Variants in CSRNP3 observed in about 807,000 individuals in gnomAD.
CSRNP3 encodes the protein cysteine and serine rich nuclear protein 3.
In CSRNP3, 12 loss-of-function variants were observed where a neutral mutation model predicts 48.0. The ratio of observed to expected loss-of-function variants is 0.25; its 90% confidence interval spans 0.16 to 0.41. The LOEUF is 0.41. Among genes scored for constraint, CSRNP3 ranks in the 10% least tolerant of loss-of-function variants. The pLI is 1.00. For synonymous variants in CSRNP3, 263 were observed against 269.7 expected (o/e 0.98, Z 0.24); for missense variants, 580 against 724.4 (o/e 0.80, Z 2.29).
At chr2:165,515,334 A>ATACATAT (rs1553471999) in intron 2 of CSRNP3, among the ~76,000 whole-genome samples, 5 of 119,022 alleles carry the variant, frequency 4.2e-5, no homozygotes, top group African/African-American at 6.0e-5. Context: ...AAAAAAAAAA[A>ATACATAT]ATACATATAT....
chr2:165,502,724 C>T (rs556525394), intron 2 of CSRNP3, among the ~76,000 whole-genome samples: 1 of 151,804 alleles, frequency 6.6e-6, no homozygotes, highest in African/African-American at 2.4e-5. Context: ...CTCTCTCCCC[C>T]ACCTGCCACC....
At position 165,687,390 on chromosome 2, in the gene CSRNP3, C is replaced by A. The variant is rs967251670; in HGVS notation, c.*7637C>A. The A allele has an allele frequency of 6.6e-6, 1 of 151,950 alleles. No individual in the cohort carries two copies. The highest frequency in any genetic ancestry group is 1.5e-5 in the Non-Finnish European group (1 of 67,968). 9.4% of individuals were successfully genotyped at this position (151,950 alleles called of 1,614,324 possible). A position where few individuals can be genotyped will look rare whatever the true frequency, so the allele number is the denominator to read the frequency against. ...TCAGGAAAAGTGACTGTTTCAGATC[C>A]CCAGTACAAACATCAGAACTAGGAT... On this transcript the variant is annotated 3_prime_UTR_variant, in exon 7 of 7. Coordinates refer to ENST00000651982, the MANE Select transcript of CSRNP3 (RefSeq NM_001172173.2).
At chr2:165,617,934 T>A (rs1686277715) in intron 4 of CSRNP3, among the ~76,000 whole-genome samples, 1 of 152,186 alleles carries the variant, frequency 6.6e-6, no homozygotes, top group Non-Finnish European at 1.5e-5. Context: ...TGGAGAGATG[T>A]TGGCAGGACC....
chr2:165,595,364 G>T, intron 4 of CSRNP3, 151 bp downstream of exon 4: 2 of 684,898 alleles, frequency 2.9e-6, no homozygotes, highest in Admixed American at 3.0e-5. Flanking sequence ...ATATTTTTCG[G>T]GTGACTCAGT....
At chr2:165,673,827 C>A (rs1352680778) in intron 5 of CSRNP3, among the ~76,000 whole-genome samples, 3 of 152,010 alleles carry the variant, frequency 2.0e-5, no homozygotes, top group Non-Finnish European at 4.4e-5. Flanking sequence ...TCGAGACCAG[C>A]CTGACCAACA....
chr2:165,642,715 A>G (rs2105335542), intron 4 of CSRNP3, among the ~76,000 whole-genome samples: 1 of 152,242 alleles, frequency 6.6e-6, no homozygotes, highest in South Asian at 2.1e-4. Flanking sequence ...GGCATGCGCC[A>G]CCATGCCCGG....
intron 3 of CSRNP3, among the ~76,000 whole-genome samples, chr2:165,582,884 T>C (rs888040904): frequency 6.6e-6 from 1 of 152,250 alleles, no homozygotes; most frequent in Non-Finnish European, 1.5e-5. Context: ...AGTCCTTTAA[T>C]TCAAGGTCAC....
chr2:165,494,497 A>G (rs1684260658), intron 1 of CSRNP3, among the ~76,000 whole-genome samples: 1 of 152,104 alleles, frequency 6.6e-6, no homozygotes, highest in Admixed American at 6.6e-5. Context: ...CAGTTAAGCC[A>G]TATCTCCTTA....
intron 5 of CSRNP3, among the ~76,000 whole-genome samples, chr2:165,671,507 T>C (rs1687330421): frequency 6.6e-6 from 1 of 152,190 alleles, no homozygotes; most frequent in African/African-American, 2.4e-5. Context: ...CTTCACCCCT[T>C]TTAGCCATGG....
chr2:165,628,302 C>T (rs1445652143), intron 4 of CSRNP3, among the ~76,000 whole-genome samples: 1 of 152,186 alleles, frequency 6.6e-6, no homozygotes, highest in Non-Finnish European at 1.5e-5. Flanking sequence ...CTTTTTCCCC[C>T]TTTTCTACTT....
At chr2:165,474,948 G>C (rs1321508110) in intron 1 of CSRNP3, among the ~76,000 whole-genome samples, 3 of 152,110 alleles carry the variant, frequency 2.0e-5, no homozygotes, top group Admixed American at 6.6e-5. Flanking sequence ...TAGCAAGTGT[G>C]GATACAGTTA....
rs1687507078 is a variant in CSRNP3, at chr2:165,680,011, C to T, written c.*258C>T. The T allele has an allele frequency of 4.3e-6, 2 of 460,084 alleles. No homozygotes were observed. The highest frequency in any genetic ancestry group is 3.9e-5 in the African/African-American group (2 of 50,824). The allele number at this position is 460,084 out of a possible 1,614,324, so 28.5% of individuals were successfully genotyped here. On this transcript the variant is annotated 3_prime_UTR_variant, in exon 7 of 7. Transcript: ENST00000651982. ...TTTTAAAATGCATATCTCACAGTTG[C>T]CTACCTGTCAAACTGTGTGAAACCT...
intron 3 of CSRNP3, among the ~76,000 whole-genome samples, chr2:165,582,417 G>A (rs755193854): frequency 2.4e-4 from 37 of 152,176 alleles, no homozygotes; most frequent in Non-Finnish European, 4.4e-4. Context: ...AAGCCACAAA[G>A]TTGCAGATGA....
chr2:165,529,413 C>T (rs775169160), intron 3 of CSRNP3, among the ~76,000 whole-genome samples: 2 of 152,054 alleles, frequency 1.3e-5, no homozygotes, highest in Non-Finnish European at 2.9e-5. Context: ...CGGGAGTTTC[C>T]CTGCCCAAGC....
intron 3 of CSRNP3, among the ~76,000 whole-genome samples, chr2:165,578,019 A>G (rs1302144886): frequency 6.6e-6 from 1 of 152,054 alleles, no homozygotes; most frequent in Non-Finnish European, 1.5e-5. Flanking sequence ...TGTTAGTACA[A>G]TGAGAATCTA....
chr2:165,648,520 G>A (rs1248054109), intron 4 of CSRNP3, among the ~76,000 whole-genome samples: 4 of 152,030 alleles, frequency 2.6e-5, no homozygotes, highest in African/African-American at 9.7e-5. Context: ...TTCTTGATCT[G>A]CAGTCCAATG....
intron 1 of CSRNP3, among the ~76,000 whole-genome samples, chr2:165,494,429 A>G (rs1323493672): frequency 2.0e-5 from 3 of 152,106 alleles, no homozygotes; most frequent in Non-Finnish European, 4.4e-5. Flanking sequence ...ATGACAACAC[A>G]CGATTTACTA....
chr2:165,489,283 G>T (rs1486585464), intron 1 of CSRNP3, among the ~76,000 whole-genome samples: 12 of 149,360 alleles, frequency 8.0e-5, no homozygotes, highest in South Asian at 6.4e-4. Flanking sequence ...AATAACAGGA[G>T]CTGAAATTGT....
intron 3 of CSRNP3, among the ~76,000 whole-genome samples, chr2:165,573,955 T>C (rs1227319209): frequency 2.0e-5 from 3 of 152,194 alleles, no homozygotes; most frequent in East Asian, 1.9e-4. Context: ...TTGGTTACCA[T>C]AGTCGCTGCT....
Sources: gnomAD v4.1 joint callset for allele counts (sites outside exome capture counted in the v4.1 genomes callset) on GRCh38, gnomAD v4.1.1 for gene constraint, MANE v1.5 for transcripts, NCBI Gene and HGNC (gene_info 2026-07-23, HGNC 2026-07-21) for gene names.